XYLT1: variants seen among roughly 807,000 people sequenced by gnomAD.
XYLT1 encodes xylosyltransferase 1.
In XYLT1, 36 loss-of-function variants were observed where a neutral mutation model predicts 91.3. The ratio of observed to expected loss-of-function variants is 0.39; its 90% CI spans 0.30 to 0.52. The LOEUF is 0.52. XYLT1 is among the 20% of genes least tolerant of loss of function. The pLI is 0.68. For missense variants in XYLT1, 1,242 were observed against 1,284.5 expected (o/e 0.97, Z 0.51); for synonymous variants, 588 against 532.0 (o/e 1.11, Z -1.45).
intron 5 of XYLT1, among the ~76,000 whole-genome samples, chr16:17,196,104 T>C (rs2032422298): frequency 6.6e-6 from 1 of 152,222 alleles, no homozygotes; most frequent in African/African-American, 2.4e-5. Flanking sequence ...GACCAGAGAT[T>C]GTGCCTCCCC....
intron 3 of XYLT1, among the ~76,000 whole-genome samples, chr16:17,251,833 G>A (rs1056057265): frequency 6.6e-6 from 1 of 152,180 alleles, no homozygotes; most frequent in African/African-American, 2.4e-5. Context: ...TTCTGGGGAA[G>A]AGGTGGTCCT....
chr16:17,149,723 A>ATCCC (rs2031236508), intron 6 of XYLT1, among the ~76,000 whole-genome samples: 2 of 152,158 alleles, frequency 1.3e-5, no homozygotes, highest in Non-Finnish European at 1.5e-5. Flanking sequence ...TGCAGTGGCA[A>ATCCC]GATTTTGAGT....
At chr16:17,463,023 G>A (rs2036842593) in intron 1 of XYLT1, among the ~76,000 whole-genome samples, 1 of 152,184 alleles carries the variant, frequency 6.6e-6, no homozygotes, top group African/African-American at 2.4e-5. Context: ...CATTACCTAT[G>A]GATAAACTTA....
intron 2 of XYLT1, among the ~76,000 whole-genome samples, chr16:17,287,938 T>C (rs1360108334): frequency 2.3e-5 from 3 of 127,926 alleles, no homozygotes; most frequent in Non-Finnish European, 5.2e-5. Context: ...GCATAATTTT[T>C]CTTTTTTTTT....
At chr16:17,230,442 A>G (rs1034434356) in intron 3 of XYLT1, among the ~76,000 whole-genome samples, 2 of 152,106 alleles carry the variant, frequency 1.3e-5, no homozygotes, top group African/African-American at 2.4e-5. Context: ...ATTTCCTGAT[A>G]TTGGCCACTC....
intron 5 of XYLT1, among the ~76,000 whole-genome samples, chr16:17,162,606 C>T (rs961142572): frequency 2.0e-5 from 3 of 152,120 alleles, no homozygotes; most frequent in African/African-American, 4.8e-5. Context: ...TGAATGTATT[C>T]CATTTCAAGT....
At chr16:17,404,724 T>C (rs1464550477) in intron 1 of XYLT1, among the ~76,000 whole-genome samples, 1 of 142,282 alleles carries the variant, frequency 7.0e-6, no homozygotes, top group African/African-American at 2.7e-5. Context: ...CGACTTGAGG[T>C]CAGCAGTTCA....
intron 1 of XYLT1, among the ~76,000 whole-genome samples, chr16:17,378,724 G>A (rs954641024): frequency 6.6e-6 from 1 of 152,188 alleles, no homozygotes; most frequent in African/African-American, 2.4e-5. Context: ...TCACAGCCAG[G>A]AAAACTGAGA....
At chr16:17,459,049 A>G (rs1029153896) in intron 1 of XYLT1, among the ~76,000 whole-genome samples, 1 of 152,080 alleles carries the variant, frequency 6.6e-6, no homozygotes, top group African/African-American at 2.4e-5. Context: ...TTTTGTTGGG[A>G]AAAAAGCAAC....
At chr16:17,173,945 C>G (rs574567378) in intron 5 of XYLT1, among the ~76,000 whole-genome samples, 1 of 152,178 alleles carries the variant, frequency 6.6e-6, no homozygotes, top group South Asian at 2.1e-4. Flanking sequence ...TATCTGGTAG[C>G]CCTTGTTTTT....
In XYLT1 at chr16:17,138,367, G is replaced by A. The variant is rs1187075653; in HGVS notation, c.1752C>T (p.Phe584=). ...GAGAAAGTCTCACCTGGAAGCGGTG[G>A]AAGTCCTGCGGCTTGAAGTCATTGG... ...CSPNDFKPQD[F]HRFQQTARPT... Residue 584 remains phenylalanine (F), a synonymous_variant, in exon 8 of 12, where the codon TTC becomes TTT. Transcript: ENST00000261381. 6.2e-7 allele frequency: 1 copy of A among 1,612,364 alleles called. No homozygotes were observed. Among genetic ancestry groups the A allele is most frequent in the Non-Finnish European group, 8.5e-7 (1 of 1,178,732 alleles).
intron 1 of XYLT1, among the ~76,000 whole-genome samples, chr16:17,464,153 G>A (rs1040574205): frequency 2.6e-5 from 4 of 151,462 alleles, no homozygotes; most frequent in African/African-American, 4.9e-5. Context: ...TGGTAGTCCA[G>A]TAGGGTGATT....
Position 17,319,599 on chromosome 16 carries a change from C to T in XYLT1, c.402+38413G>A, listed in dbSNP as rs538417849. Reference sequence around the variant, plus strand: ...GTAGGATTACAGGCAAGCACCACCACGCCCAGCTAGTTTTTGTATTTTTAG... The same window carrying T: ...GTAGGATTACAGGCAAGCACCACCATGCCCAGCTAGTTTTTGTATTTTTAG... On this transcript the variant is annotated intron_variant, in intron 2 of 11. Transcript: ENST00000261381. Among the ~76,000 whole-genome samples the T allele has an allele frequency of 1.1e-4, 16 of 152,234 alleles. No individual in the cohort carries two copies. In the East Asian group the frequency reaches 2.7e-3, roughly 26 times the overall value.
intron 1 of XYLT1, among the ~76,000 whole-genome samples, chr16:17,379,123 G>A (rs1010940089): frequency 2.6e-5 from 4 of 152,308 alleles, no homozygotes; most frequent in Middle Eastern, 3.4e-3. Context: ...AATTGTCAGA[G>A]GCCAGCAGAT....
At chr16:17,188,984 CCTTTGAGTTGCTG>C (rs2032250285) in intron 5 of XYLT1, among the ~76,000 whole-genome samples, 1 of 91,414 alleles carries the variant, frequency 1.1e-5, no homozygotes, top group East Asian at 2.2e-4. Context: ...TTTTTCCTCA[CCTTTGAGTTGCTG>C]CTTAGCACAG....
At chr16:17,366,477 T>G (rs58431963) in intron 1 of XYLT1, among the ~76,000 whole-genome samples, 3,589 of 152,302 alleles carry the variant, frequency 0.024, 133 homozygotes, top group African/African-American at 0.081. Flanking sequence ...GACGGATCAC[T>G]TGCGGTCAGG....
At chr16:17,454,958 C>G (rs1368438508) in intron 1 of XYLT1, among the ~76,000 whole-genome samples, 5 of 131,854 alleles carry the variant, frequency 3.8e-5, no homozygotes, top group African/African-American at 1.4e-4. Flanking sequence ...ATCCTTAGCT[C>G]ACAGGCCATA....
chr16:17,351,751 G>GA (rs377541827), intron 2 of XYLT1, among the ~76,000 whole-genome samples: 42 of 149,500 alleles, frequency 2.8e-4, no homozygotes, highest in African/African-American at 7.9e-4. Context: ...TTTTTTTTTG[G>GA]GGGGGGGTGC....
chr16:17,337,769 TTTTTTC>T (rs138378348), intron 2 of XYLT1, among the ~76,000 whole-genome samples: 3,777 of 134,150 alleles, frequency 0.028, 165 homozygotes, highest in African/African-American at 0.089. Flanking sequence ...CTGTTCCACA[TTTTTTC>T]TTTTTCTTTT....
Sources: gnomAD v4.1 joint callset for allele counts (sites outside exome capture counted in the v4.1 genomes callset) on GRCh38, gnomAD v4.1.1 for gene constraint, MANE v1.5 for transcripts, NCBI Gene and HGNC (gene_info 2026-07-23, HGNC 2026-07-21) for gene names.